The following FILIP1L variants were observed in gnomAD, a reference collection of about 807,000 sequenced individuals.
FILIP1L encodes filamin A-interacting protein 1-like.
A neutral mutation model predicts 96.6 loss-of-function variants in FILIP1L; 55 were observed. The observed-to-expected ratio is 0.57, with a 90% CI of 0.46 to 0.71. The LOEUF (loss-of-function observed/expected upper bound fraction) is 0.71, where lower values mean the gene tolerates loss of function less well. Ranked by LOEUF, FILIP1L falls within the 30% of genes least tolerant of loss-of-function variation. The probability of loss-of-function intolerance (pLI) is 0.00; values close to 1 mark genes in which losing one functional copy is unlikely to be tolerated. For missense variants in FILIP1L, 1,304 were observed against 1,321.2 expected (o/e 0.99, Z 0.20); for synonymous variants, 467 against 473.9 (o/e 0.99, Z 0.19).
intron 1 of FILIP1L, among the ~76,000 whole-genome samples, chr3:99,942,868 A>T (rs1707892717): frequency 1.3e-5 from 2 of 152,088 alleles, no homozygotes; most frequent in African/African-American, 4.8e-5. Flanking sequence ...TTTTCTTAAA[A>T]GAAAAAAAGA....
intron 1 of FILIP1L, among the ~76,000 whole-genome samples, chr3:100,108,024 C>A (rs1028846720): frequency 1.3e-5 from 2 of 152,074 alleles, no homozygotes; most frequent in Non-Finnish European, 2.9e-5. Context: ...AATGCCAAAA[C>A]CATGAAATGA....
chr3:99,850,317 C>T lies in FILIP1L; in HGVS notation c.1359G>A (p.Met453Ile), dbSNP rs1943611473. 2 of 1,613,138 alleles carry T rather than the reference C, an allele frequency of 1.2e-6. No individual in the cohort carries two copies. Among genetic ancestry groups the T allele is most frequent in the South Asian group, 1.1e-5 (1 of 90,834 alleles). ...SLKCNLEKER[M>I]TTKQLSQELE... ...GTTCTTGAGACAACTGCTTTGTGGTCATCCTTTCTTTTTCTAAATTGCATT... is the reference window on the plus strand; with the variant it reads ...GTTCTTGAGACAACTGCTTTGTGGTTATCCTTTCTTTTTCTAAATTGCATT... Residue 453 changes from methionine to isoleucine, a missense_variant, in exon 5 of 6, where the codon ATG (methionine) becomes ATA (isoleucine). Coordinates refer to ENST00000477258, the MANE Select transcript of FILIP1L (RefSeq NM_001387850.1).
At chr3:99,986,460 C>T (rs545072315) in intron 1 of FILIP1L, among the ~76,000 whole-genome samples, 1 of 152,232 alleles carries the variant, frequency 6.6e-6, no homozygotes, top group South Asian at 2.1e-4. Context: ...TTTAGACATA[C>T]TAGTGACGGT....
intron 4 of FILIP1L, among the ~76,000 whole-genome samples, chr3:99,860,564 G>A (rs1362805035): frequency 6.6e-6 from 1 of 152,182 alleles, no homozygotes; most frequent in Non-Finnish European, 1.5e-5. Context: ...GGGTCCACAG[G>A]CACAGAACTT....
intron 1 of FILIP1L, among the ~76,000 whole-genome samples, chr3:99,944,605 TA>T (rs1217049904): frequency 1.3e-5 from 2 of 152,224 alleles, no homozygotes; most frequent in African/African-American, 4.8e-5. Flanking sequence ...AACCGAAACC[TA>T]AAGAGGTTAA....
intron 1 of FILIP1L, among the ~76,000 whole-genome samples, chr3:99,953,453 A>G (rs753411225): frequency 5.1e-4 from 77 of 152,248 alleles, no homozygotes; most frequent in Non-Finnish European, 8.4e-4. Flanking sequence ...CCTTTATGTC[A>G]CTTTGTCTGG....
rs1467727056 is a variant in FILIP1L at position 100,103,007 on chromosome 3, G to A, written c.-11+11046C>T. 5.9e-5 allele frequency among the ~76,000 whole-genome samples: 9 copies of A among 152,312 alleles called. No homozygotes were observed. In the South Asian group the frequency reaches 1.9e-3, roughly 32 times the overall value. On this transcript the variant is annotated intron_variant, in intron 1 of 5. Coordinates refer to ENST00000477258, the MANE Select transcript of FILIP1L (RefSeq NM_001387850.1). ...GCTTATGGCACTACAGGTGCCAGTG[G>A]AGGAAAAAAGTGTGAGGTTGAGGCT...
chr3:99,849,129 G>A lies in FILIP1L; in HGVS notation c.2547C>T (p.Cys849=). The A allele has an allele frequency of 6.2e-7, 1 of 1,614,134 alleles. No individual in the cohort carries two copies. The highest frequency in any genetic ancestry group is 8.5e-7 in the Non-Finnish European group (1 of 1,180,006). Residue 849 remains cysteine (C), a synonymous_variant, in exon 5 of 6, where the codon TGC becomes TGT. Transcript: ENST00000477258. ...TAACAGGACATGGAGTAGACTGGCTGCATTTGAAGGACAGCACAGATCCCT... is the reference window on the plus strand; with the variant it reads ...TAACAGGACATGGAGTAGACTGGCTACATTTGAAGGACAGCACAGATCCCT... The part of the protein sequence containing the change: ...NDEGSVLSFK[C]SQSTPCPVNR...
intron 4 of FILIP1L, among the ~76,000 whole-genome samples, chr3:99,922,418 A>G (rs891541576): frequency 2.0e-5 from 3 of 152,214 alleles, no homozygotes; most frequent in African/African-American, 7.2e-5. Context: ...GGAGCAAGTT[A>G]GTAGGACCTT....
At chr3:100,012,196 CA>C (rs1710176508) in intron 1 of FILIP1L, among the ~76,000 whole-genome samples, 1 of 151,960 alleles carries the variant, frequency 6.6e-6, no homozygotes, top group South Asian at 2.1e-4. Context: ...TTTTATATTC[CA>C]AAAGGATAAA....
Position 100,078,302 on chromosome 3 carries a change from T to C in FILIP1L, c.-11+35751A>G, listed in dbSNP as rs539209580. 5.3e-5 allele frequency among the ~76,000 whole-genome samples: 8 copies of C among 152,302 alleles called. No individual in the cohort carries two copies. The East Asian group carries it at 1.5e-3, about 29-fold the overall frequency. On this transcript the variant is annotated intron_variant, in intron 1 of 5. Coordinates refer to ENST00000477258, the MANE Select transcript of FILIP1L (RefSeq NM_001387850.1). ...TGCACCCTTGCATTTTAGCCAATAATTGATAAATCCAGAGAAAACGTAGAA... is the reference window on the plus strand; with the variant it reads ...TGCACCCTTGCATTTTAGCCAATAACTGATAAATCCAGAGAAAACGTAGAA...
At chr3:99,851,243 T>C (rs1173423403) in intron 4 of FILIP1L, among the ~76,000 whole-genome samples, 173 bp from the exon 5 acceptor site, 2 of 152,342 alleles carry the variant, frequency 1.3e-5, no homozygotes, top group African/African-American at 4.8e-5. Flanking sequence ...TTGATAAAGT[T>C]ATCTTGCTTT....
At chr3:99,876,164 C>G (rs1466835816) in intron 4 of FILIP1L, 3 of 985,618 alleles carry the variant, frequency 3.0e-6, no homozygotes, top group Non-Finnish European at 2.4e-6. Flanking sequence ...GAGAGTCGCC[C>G]GAACAATGCG....
At chr3:99,855,224 G>A (rs190302668) in intron 4 of FILIP1L, among the ~76,000 whole-genome samples, 153 of 152,192 alleles carry the variant, frequency 1.0e-3, no homozygotes, top group South Asian at 2.9e-3. Context: ...GAGAGAATAT[G>A]GCTAAATTAA....
At chr3:99,900,091 A>G (rs187034382) in intron 4 of FILIP1L, among the ~76,000 whole-genome samples, 48 of 152,328 alleles carry the variant, frequency 3.2e-4, no homozygotes, top group African/African-American at 1.2e-3. Context: ...CATATCTAGA[A>G]CAGTGTTTCA....
chr3:100,048,224 T>C (rs2065309497), intron 1 of FILIP1L, among the ~76,000 whole-genome samples: 1 of 152,250 alleles, frequency 6.6e-6, no homozygotes, highest in African/African-American at 2.4e-5. Context: ...ATCCTTCCAC[T>C]GTCTTTATTT....
intron 1 of FILIP1L, among the ~76,000 whole-genome samples, chr3:100,071,551 G>A (rs1042976979): frequency 5.9e-5 from 9 of 152,232 alleles, no homozygotes; most frequent in African/African-American, 2.2e-4. Context: ...GCCCAAGGGT[G>A]TGGGTCTTCT....
rs777063316 is a variant in FILIP1L, at chr3:99,829,764, A to G, written c.*650T>C. On this transcript the variant is annotated 3_prime_UTR_variant, in exon 6 of 6. Coordinates refer to ENST00000477258, the MANE Select transcript of FILIP1L (RefSeq NM_001387850.1). ...ATTCATGTCTCCCTAAAATATCTCAATGTTACTGAGACTAAGTGCCAGTGG... is the reference window on the plus strand; with the variant it reads ...ATTCATGTCTCCCTAAAATATCTCAGTGTTACTGAGACTAAGTGCCAGTGG... 4.6e-5 allele frequency among the ~76,000 whole-genome samples: 7 copies of G among 152,206 alleles called. No homozygotes were observed. Among genetic ancestry groups the G allele is most frequent in the South Asian group, 2.1e-4 (1 of 4,824 alleles).
chr3:99,934,969 C>T (rs1707614189), intron 1 of FILIP1L, among the ~76,000 whole-genome samples: 1 of 152,096 alleles, frequency 6.6e-6, no homozygotes, highest in Non-Finnish European at 1.5e-5. Context: ...TGAACAGACC[C>T]ATCATATGCA....
Sources: gnomAD v4.1 joint callset for allele counts (sites outside exome capture counted in the v4.1 genomes callset) on GRCh38, gnomAD v4.1.1 for gene constraint, MANE v1.5 for transcripts, NCBI Gene and HGNC (gene_info 2026-07-23, HGNC 2026-07-21) for gene names.